The following MAST4 variants were observed in gnomAD, a reference collection of about 807,000 sequenced individuals.
MAST4 encodes microtubule associated serine/threonine kinase family member 4, also known as microtubule-associated serine/threonine-protein kinase 4.
Under a neutral mutation model 162.7 loss-of-function variants are expected in MAST4, and 89 were observed. The observed-to-expected ratio is 0.55, with a 90% CI of 0.46 to 0.65. The LOEUF is 0.65. Ranked by LOEUF, MAST4 falls within the 30% of genes least tolerant of loss-of-function variation. MAST4 has a pLI of 0.00. For synonymous variants in MAST4, 1,479 were observed against 1,361.1 expected, an observed-to-expected ratio of 1.09 and a Z score of -1.91; for missense variants, 3,153 against 3,374.0, an observed-to-expected ratio of 0.93 and a Z score of 1.62.
At chr5:67,108,274 AT>A (rs1456146194) in intron 10 of MAST4, among the ~76,000 whole-genome samples, 3 of 152,200 alleles carry the variant, frequency 2.0e-5, no homozygotes, top group African/African-American at 7.2e-5. Flanking sequence ...ATATTCCTGA[AT>A]TTATAAACCA....
At chr5:66,732,822 G>A (rs1371325332) in intron 1 of MAST4, among the ~76,000 whole-genome samples, 1 of 152,120 alleles carries the variant, frequency 6.6e-6, no homozygotes, top group Non-Finnish European at 1.5e-5. Flanking sequence ...GGGTTGATCC[G>A]CTTGCTTCTA....
chr5:66,730,751 C>CTG (rs70987138), intron 1 of MAST4, among the ~76,000 whole-genome samples: 3,472 of 149,092 alleles, frequency 0.023, 84 homozygotes, highest in South Asian at 0.074. Context: ...CCTACCTACT[C>CTG]TGTGTGTGTG....
chr5:67,133,530 A>G lies in MAST4; in HGVS notation c.2110A>G (p.Met704Val), dbSNP rs748686611. 2.5e-6 allele frequency: 4 copies of G among 1,613,272 alleles called. No homozygotes were observed. The Admixed American group carries it at 6.7e-5, about 27-fold the overall frequency. The stretch of plus-strand genomic sequence containing the variant: ...GCCTCATAGCTTGTTGGTTACCTCC[A>G]TGGGGCACATAAAGCTGACAGATTT... Reference protein sequence around the residue: ...LKPDNLLVTSMGHIKLTDFGL... With the variant: ...LKPDNLLVTSVGHIKLTDFGL... Residue 704 changes from methionine (M) to valine (V), a missense_variant, in exon 17 of 29, where the codon ATG becomes GTG. Met to Val is a conservative substitution (Grantham distance 21, BLOSUM62 1). This residue lies in a region of MAST4 where 131 missense variants were observed against 253.8 expected (regional missense o/e 0.52). Transcript: ENST00000403625.
chr5:67,054,124 A>G (rs1758513947), intron 4 of MAST4, among the ~76,000 whole-genome samples: 1 of 152,236 alleles, frequency 6.6e-6, no homozygotes, highest in Non-Finnish European at 1.5e-5. Context: ...TGTGTATGGC[A>G]TGTTACATAT....
intron 3 of MAST4, among the ~76,000 whole-genome samples, chr5:66,861,866 T>C (rs1430920484): frequency 6.6e-6 from 1 of 152,220 alleles, no homozygotes; most frequent in Admixed American, 6.5e-5. Flanking sequence ...TGTTGTGTTA[T>C]AGATTAACAC....
At chr5:66,714,925 G>A (rs1358432448) in intron 1 of MAST4, among the ~76,000 whole-genome samples, 1 of 152,138 alleles carries the variant, frequency 6.6e-6, no homozygotes, top group Admixed American at 6.5e-5. Flanking sequence ...CCTTCCATTG[G>A]TATTTGAATC....
chr5:66,723,618 TC>T (rs1246966497), intron 1 of MAST4, among the ~76,000 whole-genome samples: 1 of 152,180 alleles, frequency 6.6e-6, no homozygotes, highest in Non-Finnish European at 1.5e-5. Context: ...AAGTGCCTGT[TC>T]CCTTATGAAA....
At chr5:67,033,738 T>C (rs992582595) in intron 4 of MAST4, among the ~76,000 whole-genome samples, 1 of 152,140 alleles carries the variant, frequency 6.6e-6, no homozygotes, top group Non-Finnish European at 1.5e-5. Flanking sequence ...TGTTTGTTTC[T>C]CTTTACCATT....
At chr5:66,650,747 A>T (rs576966554) in intron 1 of MAST4, among the ~76,000 whole-genome samples, 1 of 152,348 alleles carries the variant, frequency 6.6e-6, no homozygotes, top group Non-Finnish European at 1.5e-5. Context: ...ACTCCAGAAC[A>T]TCACTGGGTT....
intron 1 of MAST4, among the ~76,000 whole-genome samples, chr5:66,614,736 C>T (rs914167283): frequency 2.9e-4 from 44 of 152,280 alleles, no homozygotes; most frequent in African/African-American, 9.1e-4. Context: ...CTTCCTACAC[C>T]TCCCAACGTG....
intron 1 of MAST4, among the ~76,000 whole-genome samples, chr5:66,751,259 G>A (rs968434418): frequency 4.6e-5 from 7 of 152,206 alleles, no homozygotes; most frequent in Middle Eastern, 3.2e-3. Context: ...CCAAAGGAAT[G>A]CAGTTCCTCA....
At chr5:67,136,505 C>A in intron 18 of MAST4, 58 bp from the exon 19 acceptor site, 1 of 1,309,798 alleles carries the variant, frequency 7.6e-7, no homozygotes, top group Non-Finnish European at 1.1e-6. Flanking sequence ...GTCCATGTTG[C>A]TGGGACCTGG....
chr5:66,882,188 T>G (rs1580753326), intron 3 of MAST4, among the ~76,000 whole-genome samples: 1 of 152,200 alleles, frequency 6.6e-6, no homozygotes, highest in South Asian at 2.1e-4. Flanking sequence ...GAAAAAGAGA[T>G]TTGCCTCTGA....
At chr5:67,003,477 C>A (rs1751522243) in intron 4 of MAST4, among the ~76,000 whole-genome samples, 1 of 152,216 alleles carries the variant, frequency 6.6e-6, no homozygotes, top group African/African-American at 2.4e-5. Context: ...TACACCCCCT[C>A]TTCCTTCTCT....
At chr5:66,639,381 A>G (rs1374694976) in intron 1 of MAST4, among the ~76,000 whole-genome samples, 1 of 151,764 alleles carries the variant, frequency 6.6e-6, no homozygotes, top group African/African-American at 2.4e-5. Flanking sequence ...AGAAGAGGAA[A>G]CACACACCGT....
At chr5:66,651,311 G>A (rs1183925366) in intron 1 of MAST4, among the ~76,000 whole-genome samples, 3 of 151,974 alleles carry the variant, frequency 2.0e-5, no homozygotes, top group Non-Finnish European at 2.9e-5. Context: ...TATAGATGCA[G>A]ATTTTCATTT....
Position 66,605,727 on chromosome 5 carries a change from G to A in MAST4, c.363+8709G>A, listed in dbSNP as rs575009508. 2.0e-3 allele frequency among the ~76,000 whole-genome samples: 308 copies of A among 152,220 alleles called. 4 individuals carry two copies. Among genetic ancestry groups the A allele is most frequent in the African/African-American group, 7.2e-3 (297 of 41,502 alleles). On this transcript the variant is annotated intron_variant, in intron 1 of 28. Coordinates refer to ENST00000403625, the MANE Select transcript of MAST4 (RefSeq NM_001164664.2). ...CCCCTGAGGGTCAGCTTTAATCCAC[G>A]GTGATTGTTGGGTTCTCGCCACGAT... is the stretch of plus-strand genomic sequence containing the variant.
chr5:66,988,774 A>T (rs10471695), intron 4 of MAST4, among the ~76,000 whole-genome samples: 31,175 of 152,114 alleles, frequency 0.2, 3,563 homozygotes, highest in Non-Finnish European at 0.26. Context: ...GACAAGTTTG[A>T]GTCTACAAAG....
chr5:67,149,311 C>A, intron 23 of MAST4, 78 bp from the exon 24 acceptor site: 1 of 1,303,254 alleles, frequency 7.7e-7, no homozygotes, highest in Non-Finnish European at 1.1e-6. Context: ...ACTCTTCCTG[C>A]TGTCTCTCTC....
Sources: gnomAD v4.1 joint callset for allele counts (sites outside exome capture counted in the v4.1 genomes callset) on GRCh38, gnomAD v4.1.1 for gene constraint, gnomAD v4.1.1 regional missense constraint, MANE v1.5 for transcripts, NCBI Gene and HGNC (gene_info 2026-07-23, HGNC 2026-07-21) for gene names.